VPS13B: variants seen among roughly 807,000 people sequenced by gnomAD.
VPS13B encodes the protein intermembrane lipid transfer protein VPS13B.
VPS13B carries 285 observed loss-of-function variants against 426.4 expected under a neutral mutation model. That is an observed-to-expected ratio of 0.67 (90% CI 0.61 to 0.74). VPS13B has a LOEUF of 0.74. Among genes scored for constraint, VPS13B ranks in the 30% least tolerant of loss-of-function variants. The probability of loss-of-function intolerance (pLI) is 0.00; values close to 1 mark genes in which losing one functional copy is unlikely to be tolerated. For missense variants in VPS13B, 4,537 were observed against 4,782.6 expected (o/e 0.95, Z 1.51); for synonymous variants, 1,676 against 1,676.4 (o/e 1.00, Z 0.01).
Position 99,250,664 on chromosome 8 carries a change from C to CTTTTTTTT in VPS13B, c.2516-23503_2516-23496dup, listed in dbSNP as rs60698750. On this transcript the variant is annotated intron_variant, in intron 17 of 61. Coordinates refer to ENST00000357162, the MANE Select transcript of VPS13B (RefSeq NM_152564.5). ...CTGTCCACTAATCCGTGTGTTTATT[C>CTTTTTTTT]TTTTTTTTTTTTTTTTTTTTTTTTT... Among the ~76,000 whole-genome samples the CTTTTTTTT allele has an allele frequency of 2.2e-4, 8 of 35,806 alleles. 1 individual carries two copies. The highest frequency in any genetic ancestry group is 1.1e-3 in the East Asian group (1 of 882). The allele number at this position is 35,806 out of a possible 152,430, so 23.5% of individuals were successfully genotyped here.
chr8:99,122,743 C>G (rs980348381), intron 8 of VPS13B, among the ~76,000 whole-genome samples: 1 of 152,064 alleles, frequency 6.6e-6, no homozygotes, highest in Non-Finnish European at 1.5e-5. Context: ...TAAATTCCTG[C>G]TTTTTCAAGC....
At chr8:99,642,787 T>G (rs1267032593) in intron 34 of VPS13B, among the ~76,000 whole-genome samples, 1 of 152,218 alleles carries the variant, frequency 6.6e-6, no homozygotes, top group African/African-American at 2.4e-5. Flanking sequence ...GTTTCCAGTG[T>G]TTGGAAAGCA....
At chr8:99,371,948 A>G (rs1813202052) in intron 19 of VPS13B, among the ~76,000 whole-genome samples, 1 of 152,206 alleles carries the variant, frequency 6.6e-6, no homozygotes, top group Non-Finnish European at 1.5e-5. Flanking sequence ...CATTCAGGAC[A>G]TAGGCATGGG....
At chr8:99,453,973 T>G (rs1187659802) in intron 23 of VPS13B, among the ~76,000 whole-genome samples, 1 of 152,136 alleles carries the variant, frequency 6.6e-6, no homozygotes, top group African/African-American at 2.4e-5. Context: ...CATCGTAGTA[T>G]CATGCATAAT....
rs779136791 is a variant in VPS13B at position 99,552,774 on chromosome 8, G to T, written c.4746-3676G>T. Among the ~76,000 whole-genome samples the T allele has an allele frequency of 2.0e-5, 3 of 152,068 alleles. No homozygotes were observed. The East Asian group carries it at 5.8e-4, about 29-fold the overall frequency. On this transcript the variant is annotated intron_variant, in intron 30 of 61. Transcript: ENST00000357162. ...TTACCCAGTTTCCCTCAATGGAAACGTCTTGTATAACTATAGTACAATATC... is the reference window on the plus strand; with the variant it reads ...TTACCCAGTTTCCCTCAATGGAAACTTCTTGTATAACTATAGTACAATATC...
Position 99,370,926 on chromosome 8 carries a change from A to T in VPS13B, c.2825-13282A>T, listed in dbSNP as rs149356623. 3.1e-3 allele frequency among the ~76,000 whole-genome samples: 468 copies of T among 152,166 alleles called. 3 individuals carry two copies. The highest frequency in any genetic ancestry group is 0.011 in the African/African-American group (446 of 41,526). Reference sequence around the variant, plus strand: ...TGCCCAACCTTAAGTTTTTATTATAAAAGTAATTATATCTTTAGTAAGTAG... The same window carrying T: ...TGCCCAACCTTAAGTTTTTATTATATAAGTAATTATATCTTTAGTAAGTAG... On this transcript the variant is annotated intron_variant, in intron 19 of 61. Coordinates refer to ENST00000357162, the MANE Select transcript of VPS13B (RefSeq NM_152564.5).
intron 33 of VPS13B, among the ~76,000 whole-genome samples, chr8:99,605,161 G>A (rs1388900325): frequency 6.6e-6 from 1 of 152,112 alleles, no homozygotes; most frequent in Non-Finnish European, 1.5e-5. Flanking sequence ...ATGACCTGAG[G>A]GAAAACCCAT....
In VPS13B at chr8:99,147,492, A is replaced by G. The variant is rs562995427; in HGVS notation, c.1844-349A>G. ...ATGGAGCTGGATCTTCCCCCTCCCC[A>G]TCTATCTGTAGCAAATATTTTCTGT... On this transcript the variant is annotated intron_variant, in intron 13 of 61. Coordinates refer to ENST00000357162, the MANE Select transcript of VPS13B (RefSeq NM_152564.5). Among the ~76,000 whole-genome samples, 90 of 152,154 alleles carry G rather than the reference A, an allele frequency of 5.9e-4. 3 individuals carry two copies. In the South Asian group the frequency reaches 0.015, roughly 25 times the overall value.
At chr8:99,230,637 A>C (rs180723441) in intron 17 of VPS13B, among the ~76,000 whole-genome samples, 2 of 152,196 alleles carry the variant, frequency 1.3e-5, no homozygotes, top group Non-Finnish European at 2.9e-5. Context: ...TTACCTCTTT[A>C]ACAATCAGTT....
intron 30 of VPS13B, among the ~76,000 whole-genome samples, chr8:99,542,327 A>G (rs1008656282): frequency 1.3e-5 from 2 of 152,160 alleles, no homozygotes; most frequent in Admixed American, 6.5e-5. Context: ...GATTATGGTT[A>G]GTGGATAAGG....
chr8:99,653,465 A>ATT (rs34923754), intron 34 of VPS13B, among the ~76,000 whole-genome samples: 12 of 136,866 alleles, frequency 8.8e-5, no homozygotes, highest in African/African-American at 1.9e-4. Context: ...ATGTGACTTC[A>ATT]TTTTTTTTTT....
At chr8:99,085,771 A>G (rs1845744913) in intron 3 of VPS13B, among the ~76,000 whole-genome samples, 1 of 152,198 alleles carries the variant, frequency 6.6e-6, no homozygotes, top group African/African-American at 2.4e-5. Flanking sequence ...AACGTTGAAT[A>G]TTGGCCCCAC....
At chr8:99,142,588 A>G (rs1429510787) in intron 12 of VPS13B, among the ~76,000 whole-genome samples, 1 of 152,244 alleles carries the variant, frequency 6.6e-6, no homozygotes, top group Non-Finnish European at 1.5e-5. Flanking sequence ...AATTTTCAAT[A>G]GACTAAGATA....
At chr8:99,478,176 C>T (rs559391385) in intron 24 of VPS13B, among the ~76,000 whole-genome samples, 87 of 150,288 alleles carry the variant, frequency 5.8e-4, no homozygotes, top group African/African-American at 2.1e-3. Flanking sequence ...CAAACTGATA[C>T]ATTGTTTTCT....
chr8:99,696,980 GC>G (rs1283710349), intron 35 of VPS13B: 4 of 621,116 alleles, frequency 6.4e-6, no homozygotes, highest in Non-Finnish European at 1.2e-5. Flanking sequence ...AGGGGCTGCA[GC>G]CGGCGTGTGG....
chr8:99,713,089 A>G (rs1248954193), intron 36 of VPS13B, among the ~76,000 whole-genome samples: 1 of 152,088 alleles, frequency 6.6e-6, no homozygotes, highest in Non-Finnish European at 1.5e-5. Flanking sequence ...AGTATTTTAA[A>G]GTGGTTCCTG....
Position 99,818,830 on chromosome 8 carries a change from G to A in VPS13B, c.8563G>A (p.Glu2855Lys), listed in dbSNP as rs775094841. Reference protein sequence around the residue: ...ETQIIPGKGQEKPLQNIEPDL... With the variant: ...ETQIIPGKGQKKPLQNIEPDL... ...ACAAATTATTCCAGGAAAAGGGCAG[G>A]AAAAACCACTGCAAAACATAGAACC... The change falls in exon 47 of 62, where the codon GAA becomes AAA. Residue 2855 changes from glutamate (E) to lysine (K), a missense_variant. Physicochemically the swap from Glu to Lys is moderately conservative, Grantham distance 56. Transcript: ENST00000357162. The A allele has an allele frequency of 6.2e-7, 1 of 1,613,786 alleles. No homozygotes were observed. The highest frequency in any genetic ancestry group is 1.3e-5 in the African/African-American group (1 of 74,858).
intron 17 of VPS13B, among the ~76,000 whole-genome samples, chr8:99,254,211 ACTGTAGAT>A (rs1207421311): frequency 6.6e-6 from 1 of 151,892 alleles, no homozygotes; most frequent in African/African-American, 2.4e-5. Flanking sequence ...CTGTCCTTTT[ACTGTAGAT>A]CTGCTTATGA....
At chr8:99,791,121 A>T (rs1260755110) in intron 43 of VPS13B, among the ~76,000 whole-genome samples, 1 of 152,178 alleles carries the variant, frequency 6.6e-6, no homozygotes, top group Non-Finnish European at 1.5e-5. Context: ...GGAGGTATAT[A>T]TAAACAGCAA....
Sources: gnomAD v4.1 joint callset for allele counts (sites outside exome capture counted in the v4.1 genomes callset) on GRCh38, gnomAD v4.1.1 for gene constraint, MANE v1.5 for transcripts, NCBI Gene and HGNC (gene_info 2026-07-23, HGNC 2026-07-21) for gene names.